CFAP43: variants seen among roughly 807,000 people sequenced by gnomAD.
CFAP43 encodes the protein cilia- and flagella-associated protein 43.
Under a neutral mutation model 218.9 loss-of-function variants are expected in CFAP43, and 155 were observed. The observed-to-expected ratio is 0.71, with a 90% CI of 0.62 to 0.81. The LOEUF (loss-of-function observed/expected upper bound fraction) is 0.81. Ranked by LOEUF, CFAP43 falls within the 30% of genes least tolerant of loss-of-function variation. CFAP43 has a pLI of 0.00. For synonymous variants in CFAP43, 645 were observed against 681.3 expected (o/e 0.95, Z 0.83); for missense variants, 1,778 against 1,954.3 (o/e 0.91, Z 1.70).
At position 104,162,519 on chromosome 10, in the gene CFAP43, A is replaced by C. The variant is rs77662459; in HGVS notation, c.3247-116T>G. The C allele has an allele frequency of 2.5e-3, 2,057 of 828,564 alleles. 42 individuals are homozygous for C. The East Asian group carries it at 0.041, about 16-fold the overall frequency. The allele number at this position is 828,564 out of a possible 1,614,324, so 51.3% of individuals were successfully genotyped here. On this transcript the variant is annotated intron_variant, in intron 24 of 37. Transcript: ENST00000357060. ...TAAGGGGATTAAAGGGACTCTGCAG[A>C]CTTTGCACCCAATTTTCTGTTTTGG...
intron 3 of CFAP43, among the ~76,000 whole-genome samples, chr10:104,214,684 G>T (rs2090965288): frequency 6.6e-6 from 1 of 152,044 alleles, no homozygotes; most frequent in South Asian, 2.1e-4. Context: ...TAATAATTTT[G>T]CAATTTAACT....
chr10:104,204,434 T>G (rs538968424), intron 7 of CFAP43, among the ~76,000 whole-genome samples: 35 of 152,378 alleles, frequency 2.3e-4, no homozygotes, highest in African/African-American at 8.4e-4. Flanking sequence ...TTATTTATCA[T>G]TTTCTAGATT....
intron 17 of CFAP43, among the ~76,000 whole-genome samples, chr10:104,180,428 C>T (rs899665739): frequency 1.3e-5 from 2 of 150,358 alleles, no homozygotes. Context: ...CATTCTTCTT[C>T]AGACACCACC....
chr10:104,203,924 G>T, intron 7 of CFAP43, 121 bp from the exon 8 acceptor site: 1 of 873,096 alleles, frequency 1.1e-6, no homozygotes, highest in Non-Finnish European at 1.6e-6. Flanking sequence ...CATCATCTAT[G>T]TTTGCATAGA....
chr10:104,192,490 A>G (rs899120067), intron 11 of CFAP43, 188 bp from the exon 12 acceptor site: 16 of 541,652 alleles, frequency 3.0e-5, no homozygotes, highest in South Asian at 2.4e-4. Flanking sequence ...CTTTAGGCCA[A>G]TGATATTTCC....
intron 34 of CFAP43, among the ~76,000 whole-genome samples, chr10:104,135,987 C>T (rs368326897): frequency 3.3e-5 from 5 of 152,074 alleles, no homozygotes; most frequent in South Asian, 2.1e-4. Flanking sequence ...CAGTGGCTCA[C>T]GCCTGTAATC....
At position 104,162,034 on chromosome 10, in the gene CFAP43, C is replaced by T; in HGVS notation, c.3341G>A (p.Ser1114Asn). Residue 1114 changes from serine to asparagine, a missense_variant, in exon 26 of 38, where the codon AGT (serine) becomes AAT (asparagine). Ser to Asn is a conservative substitution (Grantham distance 46, BLOSUM62 1). Coordinates refer to ENST00000357060, the MANE Select transcript of CFAP43 (RefSeq NM_025145.7). ...GTCCATCAGAGCTCGGAGTCTTGTA[C>T]TGGCATCCTGGGAAAGAGCCAGAAT... ...KEHWLLIQDA[S>N]TRLRALMDMM... 6.2e-7 allele frequency: 1 copy of T among 1,612,892 alleles called. No homozygotes were observed. The highest frequency in any genetic ancestry group is 8.5e-7 in the Non-Finnish European group (1 of 1,179,754).
At chr10:104,133,538 G>C (rs1437722489) in intron 35 of CFAP43, 82 bp downstream of exon 35, 2 of 1,386,056 alleles carry the variant, frequency 1.4e-6, no homozygotes, top group Non-Finnish European at 1.9e-6. Flanking sequence ...TATCACAGAG[G>C]CTTCTTATTA....
chr10:104,187,551 T>G (rs1246133610), intron 13 of CFAP43, 59 bp from the exon 14 acceptor site: 1 of 1,378,974 alleles, frequency 7.3e-7, no homozygotes, highest in South Asian at 1.8e-5. Flanking sequence ...TTTGTTTTTT[T>G]AAAATTATGA....
intron 6 of CFAP43, among the ~76,000 whole-genome samples, chr10:104,206,531 G>C (rs2090694991): frequency 6.6e-6 from 1 of 152,192 alleles, no homozygotes; most frequent in Non-Finnish European, 1.5e-5. Flanking sequence ...GTGAAATCAA[G>C]GCAGAGCAGT....
chr10:104,211,209 TG>T (rs1564803143), intron 5 of CFAP43, among the ~76,000 whole-genome samples: 2 of 152,178 alleles, frequency 1.3e-5, no homozygotes, highest in Non-Finnish European at 1.5e-5. Context: ...TACCACATTT[TG>T]TAATGATTCA....
At chr10:104,189,021 C>T (rs2090124007) in intron 12 of CFAP43, among the ~76,000 whole-genome samples, 1 of 152,296 alleles carries the variant, frequency 6.6e-6, no homozygotes, top group Non-Finnish European at 1.5e-5. Context: ...TTCCCTCTTC[C>T]TTAACAAGGA....
intron 19 of CFAP43, among the ~76,000 whole-genome samples, chr10:104,176,059 C>G (rs928919757): frequency 2.0e-5 from 3 of 151,858 alleles, no homozygotes; most frequent in African/African-American, 7.3e-5. Flanking sequence ...CATAAAAAGG[C>G]CAATTTTTTT....
At chr10:104,217,570 G>A (rs189020725) in intron 3 of CFAP43, among the ~76,000 whole-genome samples, 3 of 152,230 alleles carry the variant, frequency 2.0e-5, no homozygotes, top group East Asian at 3.9e-4. Flanking sequence ...CACCACACCC[G>A]CAAGAGGGCT....
intron 27 of CFAP43, among the ~76,000 whole-genome samples, chr10:104,159,545 G>T (rs1378142244): frequency 7.2e-5 from 11 of 152,154 alleles, no homozygotes; most frequent in Admixed American, 5.9e-4. Flanking sequence ...AGTGCACCAG[G>T]AGAGGACCAG....
chr10:104,182,365 C>T lies in CFAP43; in HGVS notation c.2289+1G>A. 1.3e-6 allele frequency: 2 copies of T among 1,594,606 alleles called. No homozygotes were observed. The highest frequency in any genetic ancestry group is 1.7e-6 in the Non-Finnish European group (2 of 1,173,698). ...GCAAGCTAGTCATATAGGAACTCAA[C>T]TGTGTGTTCAGAATCGGATCCCAAA... On this transcript the variant is annotated splice_donor_variant, in intron 17 of 37. Coordinates refer to ENST00000357060, the MANE Select transcript of CFAP43 (RefSeq NM_025145.7). LOFTEE classifies it high-confidence loss of function.
intron 31 of CFAP43, 94 bp from the exon 32 acceptor site, chr10:104,143,733 G>A (rs990417763): frequency 5.1e-6 from 6 of 1,172,606 alleles, no homozygotes; most frequent in Non-Finnish European, 7.3e-6. Context: ...ATAACACATT[G>A]TATGGCTCTT....
intron 27 of CFAP43, among the ~76,000 whole-genome samples, chr10:104,154,035 G>C (rs941766568): frequency 6.6e-6 from 1 of 152,096 alleles, no homozygotes; most frequent in African/African-American, 2.4e-5. Context: ...CATGATGTTG[G>C]TTTGCTTCAT....
At chr10:104,192,693 G>A (rs2090266526) in intron 11 of CFAP43, 1 of 186,522 alleles carries the variant, frequency 5.4e-6, no homozygotes, top group Non-Finnish European at 1.1e-5. Flanking sequence ...GAGGAAGAAT[G>A]TAGTGAAACA....
Sources: allele counts gnomAD v4.1 joint callset (sites outside exome capture counted in the v4.1 genomes callset), GRCh38; gene constraint gnomAD v4.1.1; transcripts MANE v1.5; gene names NCBI Gene and HGNC (gene_info 2026-07-23, HGNC 2026-07-21).